FAM13A: variants seen among roughly 807,000 people sequenced by gnomAD.
FAM13A encodes family with sequence similarity 13 member A.
FAM13A carries 76 observed loss-of-function variants against 129.6 expected under a neutral mutation model. The observed-to-expected ratio is 0.59, with a 90% confidence interval of 0.49 to 0.71. The LOEUF is 0.71. Among genes scored for constraint, FAM13A ranks in the 30% least tolerant of loss-of-function variants. The pLI, the probability that FAM13A is intolerant of heterozygous loss-of-function variation, is 0.00. For missense variants in FAM13A, 1,108 were observed against 1,249.3 expected (o/e 0.89, Z 1.70); for synonymous variants, 443 against 449.9 (o/e 0.98, Z 0.20).
intron 8 of FAM13A, among the ~76,000 whole-genome samples, chr4:88,793,519 T>C (rs1427216717): frequency 1.3e-5 from 2 of 152,012 alleles, no homozygotes; most frequent in African/African-American, 4.8e-5. Context: ...ATAGAATTCC[T>C]ATATAAAGCA....
At chr4:89,014,798 G>C (rs139793913) in intron 3 of FAM13A, among the ~76,000 whole-genome samples, 8 of 152,224 alleles carry the variant, frequency 5.3e-5, no homozygotes, top group African/African-American at 1.9e-4. Flanking sequence ...TGCGATGACT[G>C]CGTTAACCGC....
intron 4 of FAM13A, 31 bp downstream of exon 4, chr4:88,990,942 T>C (rs1395909794): frequency 1.9e-6 from 3 of 1,540,902 alleles, no homozygotes; most frequent in East Asian, 2.3e-5. Context: ...GGGGACATGA[T>C]GATATTAACA....
chr4:88,746,901 C>A (rs1741460368), intron 19 of FAM13A, 31 bp downstream of exon 19: 7 of 1,400,196 alleles, frequency 5.0e-6, no homozygotes, highest in Non-Finnish European at 5.1e-6. Context: ...AGATAATTGA[C>A]CCCAATCAGA....
chr4:89,053,494 A>C (rs1290587565), intron 1 of FAM13A, among the ~76,000 whole-genome samples: 1 of 152,138 alleles, frequency 6.6e-6, no homozygotes, highest in Non-Finnish European at 1.5e-5. Context: ...TTAATTTGGT[A>C]TATGACCTTT....
intron 6 of FAM13A, among the ~76,000 whole-genome samples, chr4:88,886,825 T>C (rs778716976): frequency 6.6e-6 from 1 of 151,644 alleles, no homozygotes; most frequent in Non-Finnish European, 1.5e-5. Context: ...GAGAATCACT[T>C]GAACCCGGGA....
chr4:88,960,695 T>C (rs748343864), intron 4 of FAM13A, among the ~76,000 whole-genome samples: 1 of 152,074 alleles, frequency 6.6e-6, no homozygotes, highest in Non-Finnish European at 1.5e-5. Context: ...CTTTTTAAAC[T>C]ACAACCCAAA....
At chr4:88,971,023 ATGG>A (rs1406703062) in intron 4 of FAM13A, among the ~76,000 whole-genome samples, 1 of 152,220 alleles carries the variant, frequency 6.6e-6, no homozygotes, top group African/African-American at 2.4e-5. Flanking sequence ...CCTGGCTAAC[ATGG>A]TGAAACCCCA....
chr4:88,761,890 G>A (rs983089469), intron 13 of FAM13A, among the ~76,000 whole-genome samples: 9 of 151,850 alleles, frequency 5.9e-5, no homozygotes, highest in African/African-American at 2.2e-4. Flanking sequence ...AACTATGGTG[G>A]ACAAAATAAA....
intron 8 of FAM13A, among the ~76,000 whole-genome samples, chr4:88,801,322 C>T (rs537984187): frequency 6.6e-6 from 1 of 152,218 alleles, no homozygotes; most frequent in South Asian, 2.1e-4. Context: ...AAATTAGAAA[C>T]AGTAAGTCTA....
chr4:88,922,776 A>T (rs1180468248), intron 5 of FAM13A, among the ~76,000 whole-genome samples: 1 of 152,194 alleles, frequency 6.6e-6, no homozygotes, highest in East Asian at 1.9e-4. Context: ...GTTTTTTGAA[A>T]GGATCAACAA....
At chr4:88,887,836 A>G (rs1369270097) in intron 6 of FAM13A, among the ~76,000 whole-genome samples, 1 of 152,068 alleles carries the variant, frequency 6.6e-6, no homozygotes, top group African/African-American at 2.4e-5. Flanking sequence ...CCTGGTCCAT[A>G]TGTGCCTTTC....
chr4:88,934,704 T>C (rs1322087178), intron 5 of FAM13A, among the ~76,000 whole-genome samples: 1 of 152,180 alleles, frequency 6.6e-6, no homozygotes, highest in Non-Finnish European at 1.5e-5. Flanking sequence ...GTAAATTCCC[T>C]TCTTGAAACC....
chr4:88,816,669 C>T (rs143384051), intron 7 of FAM13A, among the ~76,000 whole-genome samples: 2 of 152,298 alleles, frequency 1.3e-5, no homozygotes, highest in African/African-American at 4.8e-5. Flanking sequence ...TACTAAGCTT[C>T]TAATGGGGGA....
chr4:89,016,490 T>C (rs949503230), intron 3 of FAM13A, among the ~76,000 whole-genome samples: 6 of 152,152 alleles, frequency 3.9e-5, no homozygotes, highest in Non-Finnish European at 2.9e-5. Flanking sequence ...CTCCTAGGCC[T>C]TCATATTCAC....
chr4:88,743,521 C>T (rs943706588), intron 19 of FAM13A, among the ~76,000 whole-genome samples: 2 of 152,134 alleles, frequency 1.3e-5, no homozygotes, highest in Non-Finnish European at 2.9e-5. Context: ...TAATGATTTG[C>T]TCAAGGCCAC....
chr4:88,818,618 G>C (rs1184902843), intron 7 of FAM13A, among the ~76,000 whole-genome samples: 1 of 152,098 alleles, frequency 6.6e-6, no homozygotes, highest in Non-Finnish European at 1.5e-5. Flanking sequence ...TGTGAGAACA[G>C]AGCCCACAGA....
Position 88,894,536 on chromosome 4 carries a change from T to A in FAM13A, c.843+11843A>T, listed in dbSNP as rs541055482. Among the ~76,000 whole-genome samples the A allele has an allele frequency of 1.3e-4, 20 of 152,312 alleles. 1 individual carries two copies. The highest frequency in any genetic ancestry group is 4.6e-4 in the African/African-American group (19 of 41,562). On this transcript the variant is annotated intron_variant, in intron 6 of 23. Coordinates refer to ENST00000264344, the MANE Select transcript of FAM13A (RefSeq NM_014883.4). ...ATGATAAGTATTAATTTTATTTTTA[T>A]TTTTTGATACAGAGTCTCACTCTGT...
intron 7 of FAM13A, among the ~76,000 whole-genome samples, chr4:88,825,908 T>C (rs1167148082): frequency 6.6e-6 from 1 of 152,150 alleles, no homozygotes; most frequent in Non-Finnish European, 1.5e-5. Flanking sequence ...AATTCCTCCT[T>C]TTTATGGTTT....
intron 6 of FAM13A, among the ~76,000 whole-genome samples, chr4:88,880,783 C>CGGGGGGGGGGGGGGGGGGGGGGGGG (rs70959631): frequency 3.3e-5 from 1 of 30,054 alleles, no homozygotes; most frequent in African/African-American, 1.6e-4. Flanking sequence ...CGGTGGGGGG[C>CGGGGGGGGGGGGGGGGGGGGGGGGG]GGGGGGGGGG....
Sources: allele counts gnomAD v4.1 joint callset (sites outside exome capture counted in the v4.1 genomes callset), GRCh38; gene constraint gnomAD v4.1.1; transcripts MANE v1.5; gene names NCBI Gene and HGNC (gene_info 2026-07-23, HGNC 2026-07-21).